COL5A2: variants seen among roughly 807,000 people sequenced by gnomAD.
COL5A2 encodes collagen alpha-2(V) chain.
Under a neutral mutation model 208.2 loss-of-function variants are expected in COL5A2, and 23 were observed. The observed-to-expected ratio is 0.11, with a 90% CI of 0.08 to 0.16. The LOEUF is 0.16. COL5A2 is among the 10% of genes least tolerant of loss of function. The probability of loss-of-function intolerance (pLI) is 1.00; values close to 1 mark genes in which losing one functional copy is unlikely to be tolerated. For synonymous variants in COL5A2, 625 were observed against 628.5 expected, an observed-to-expected ratio of 0.99 and a Z score of 0.08; for missense variants, 1,590 against 1,956.4, an observed-to-expected ratio of 0.81 and a Z score of 3.53.
intron 1 of COL5A2, among the ~76,000 whole-genome samples, chr2:189,129,231 C>T (rs976246380): frequency 2.0e-5 from 3 of 151,970 alleles, no homozygotes; most frequent in African/African-American, 7.2e-5. Flanking sequence ...GCTAGCGATA[C>T]TAAAGCCGAA....
chr2:189,103,081 T>C (rs1208028931), intron 3 of COL5A2, among the ~76,000 whole-genome samples: 1 of 151,902 alleles, frequency 6.6e-6, no homozygotes, highest in South Asian at 2.1e-4. Flanking sequence ...GTTAGGATTT[T>C]TTGTTGTTTC....
chr2:189,403,166 G>A, the COL5A2 span, among the ~76,000 whole-genome samples: 1 of 152,150 alleles, frequency 6.6e-6, no homozygotes, highest in African/African-American at 2.4e-5. Flanking sequence ...TATTCATTTT[G>A]TGGCAGTTGT....
chr2:189,178,755 T>C (rs186349126), intron 1 of COL5A2, among the ~76,000 whole-genome samples: 104 of 144,222 alleles, frequency 7.2e-4, no homozygotes, highest in Admixed American at 1.9e-3. Context: ...GTAATGTCCA[T>C]GCAAATATTC....
chr2:189,073,528 TG>T (rs141688127), intron 17 of COL5A2, among the ~76,000 whole-genome samples: 2,644 of 152,240 alleles, frequency 0.017, 61 homozygotes, highest in African/African-American at 0.061. Context: ...TAAATTGGAT[TG>T]GACATCAATA....
At chr2:189,420,143 G>A in the COL5A2 span, among the ~76,000 whole-genome samples, 2 of 152,136 alleles carry the variant, frequency 1.3e-5, no homozygotes, top group African/African-American at 2.4e-5. Context: ...TTTAAAAACA[G>A]ATATTAGAAA....
the COL5A2 span, among the ~76,000 whole-genome samples, chr2:189,323,157 G>T: frequency 6.6e-6 from 1 of 152,148 alleles, no homozygotes; most frequent in East Asian, 1.9e-4. Flanking sequence ...ATTAGGTACT[G>T]ATGGGACGTA....
rs997733037 is a variant in COL5A2, at chr2:189,033,763, T to G, written c.*307A>C. The G allele has an allele frequency of 7.8e-6, 3 of 382,548 alleles. No homozygotes were observed. Among genetic ancestry groups the G allele is most frequent in the African/African-American group, 6.1e-5 (3 of 49,020 alleles). The allele number at this position is 382,548 out of a possible 1,614,324, so 23.7% of individuals were successfully genotyped here. On this transcript the variant is annotated 3_prime_UTR_variant, in exon 54 of 54. Coordinates refer to ENST00000374866, the MANE Select transcript of COL5A2 (RefSeq NM_000393.5). ...ACTTTTTCATTACACTGAAATAAAT[T>G]GAAGAAAACGGAGATTTATTTATTC...
chr2:189,359,398 A>G, the COL5A2 span, among the ~76,000 whole-genome samples: 1 of 152,152 alleles, frequency 6.6e-6, no homozygotes, highest in Non-Finnish European at 1.5e-5. Context: ...CATTTGAATC[A>G]CCCTTGCATC....
chr2:189,092,561 A>C, intron 6 of COL5A2, 141 bp from the exon 7 acceptor site: 2 of 698,188 alleles, frequency 2.9e-6, no homozygotes, highest in East Asian at 2.7e-5. Context: ...GAGTAATTTC[A>C]TCAGCCATGT....
chr2:189,150,295 T>G (rs371599301), intron 1 of COL5A2, among the ~76,000 whole-genome samples: 7 of 152,172 alleles, frequency 4.6e-5, no homozygotes, highest in Non-Finnish European at 8.8e-5. Flanking sequence ...ATATCCAGAA[T>G]GCTCTCAGAT....
intron 1 of COL5A2, 110 bp downstream of exon 1, chr2:189,179,398 T>A: frequency 7.8e-7 from 1 of 1,277,064 alleles, no homozygotes; most frequent in Non-Finnish European, 1.1e-6. Context: ...AGCCCCCTTC[T>A]CAAACTTCAA....
intron 1 of COL5A2, among the ~76,000 whole-genome samples, chr2:189,209,672 G>C (rs974550722): frequency 1.3e-5 from 2 of 152,200 alleles, no homozygotes; most frequent in African/African-American, 2.4e-5. Flanking sequence ...ATATTTGGAT[G>C]CTAATTCAAC....
In COL5A2 at chr2:189,064,631, C is replaced by T. The variant is rs1023220299; in HGVS notation, c.1642G>A (p.Val548Ile). Residue 548 changes from valine (V) to isoleucine (I), a missense_variant, in exon 25 of 54, where the codon GTA becomes ATA. Physicochemically the swap from Val to Ile is conservative, Grantham distance 29. Coordinates refer to ENST00000374866, the MANE Select transcript of COL5A2 (RefSeq NM_000393.5). ...CTTCCTTTGGGTCCTGAAGAACCTA[C>T]AGGACCCCGTTCTCCTTGAGCACCC... ...PKGAQGERGP[V>I]GSSGPKGSQG... is the part of the protein sequence containing the mutation. The T allele has an allele frequency of 6.2e-7, 1 of 1,613,902 alleles. No homozygotes were observed. The highest frequency in any genetic ancestry group is 8.5e-7 in the Non-Finnish European group (1 of 1,179,942).
At chr2:189,246,244 A>G in the COL5A2 span, among the ~76,000 whole-genome samples, 11 of 152,318 alleles carry the variant, frequency 7.2e-5, no homozygotes, top group South Asian at 2.3e-3. Flanking sequence ...TAAATTACTC[A>G]TAAGTTCTAG....
chr2:189,172,388 A>G (rs1288577862), intron 1 of COL5A2, among the ~76,000 whole-genome samples: 2 of 152,202 alleles, frequency 1.3e-5, no homozygotes, highest in Non-Finnish European at 2.9e-5. Flanking sequence ...TTAAAAATAC[A>G]CCACTAGGGT....
At chr2:189,053,212 TGC>T (rs1685829316) in intron 38 of COL5A2, among the ~76,000 whole-genome samples, 194 bp from the exon 39 acceptor site, 1 of 152,164 alleles carries the variant, frequency 6.6e-6, no homozygotes, top group Non-Finnish European at 1.5e-5. Context: ...GCTATCCCAC[TGC>T]ATTTTTATTT....
the COL5A2 span, among the ~76,000 whole-genome samples, chr2:189,253,321 G>T: frequency 6.6e-6 from 1 of 152,156 alleles, no homozygotes; most frequent in Non-Finnish European, 1.5e-5. Flanking sequence ...TATGACTTTT[G>T]TCAAGTTACC....
At chr2:189,387,747 T>C in the COL5A2 span, among the ~76,000 whole-genome samples, 1 of 152,204 alleles carries the variant, frequency 6.6e-6, no homozygotes, top group African/African-American at 2.4e-5. Context: ...GTTGTTGTTC[T>C]ATAGAAGCCA....
At chr2:189,161,614 G>A (rs978639343) in intron 1 of COL5A2, among the ~76,000 whole-genome samples, 5 of 152,146 alleles carry the variant, frequency 3.3e-5, no homozygotes, top group Non-Finnish European at 5.9e-5. Context: ...TAACAACAGA[G>A]AAAAAGCACT....
Sources: allele counts gnomAD v4.1 joint callset (sites outside exome capture counted in the v4.1 genomes callset), GRCh38; gene constraint gnomAD v4.1.1; transcripts MANE v1.5; gene names NCBI Gene and HGNC (gene_info 2026-07-23, HGNC 2026-07-21).